The following TOP6BL variants were observed in gnomAD, a reference collection of about 807,000 sequenced individuals.
The protein encoded by TOP6BL is type 2 DNA topoisomerase 6 subunit B-like.
the TOP6BL span, among the ~76,000 whole-genome samples, chr11:66,760,625 CAA>C: frequency 7.4e-5 from 4 of 54,152 alleles, no homozygotes; most frequent in South Asian, 8.6e-4. Flanking sequence ...CCCATCTTTA[CAA>C]AAAAAAAAAA....
At chr11:66,766,512 G>T in the TOP6BL span, among the ~76,000 whole-genome samples, 1 of 152,074 alleles carries the variant, frequency 6.6e-6, no homozygotes, top group Admixed American at 6.6e-5. Context: ...TTGCCACAAA[G>T]AAGTCACAGG....
At chr11:66,762,025 T>C in the TOP6BL span, 1 of 1,506,462 alleles carries the variant, frequency 6.6e-7, no homozygotes, top group South Asian at 1.1e-5. Context: ...AAAGTGACAG[T>C]GATTTTTTCC....
chr11:66,779,622 G>T, the TOP6BL span, among the ~76,000 whole-genome samples: 1 of 152,114 alleles, frequency 6.6e-6, no homozygotes, highest in South Asian at 2.1e-4. Context: ...CGGAGATCTA[G>T]AACTAGAAAT....
the TOP6BL span, among the ~76,000 whole-genome samples, chr11:66,760,625 C>CAAAAAA: frequency 2.0e-4 from 11 of 54,146 alleles, no homozygotes; most frequent in African/African-American, 6.9e-4. Flanking sequence ...CCCATCTTTA[C>CAAAAAA]AAAAAAAAAA....
the TOP6BL span, among the ~76,000 whole-genome samples, chr11:66,839,540 G>A: frequency 6.6e-6 from 1 of 152,174 alleles, no homozygotes; most frequent in Non-Finnish European, 1.5e-5. Flanking sequence ...TCTTTCTAGG[G>A]TCACAACCAC....
At chr11:66,794,969 C>T in the TOP6BL span, among the ~76,000 whole-genome samples, 1 of 152,052 alleles carries the variant, frequency 6.6e-6, no homozygotes, top group African/African-American at 2.4e-5. Context: ...CCCGTCTCTA[C>T]AGAAAATACA....
chr11:66,797,841 G>A, the TOP6BL span, among the ~76,000 whole-genome samples: 1 of 152,084 alleles, frequency 6.6e-6, no homozygotes, highest in South Asian at 2.1e-4. Context: ...GAATATTAGA[G>A]AGCTAAATTT....
At chr11:66,748,396 AATT>A in the TOP6BL span, 1 of 1,537,420 alleles carries the variant, frequency 6.5e-7, no homozygotes, top group Non-Finnish European at 8.8e-7. Context: ...GATTTTTAAT[AATT>A]CACTGGAAGT....
At chr11:66,784,680 T>A in the TOP6BL span, among the ~76,000 whole-genome samples, 1 of 152,252 alleles carries the variant, frequency 6.6e-6, no homozygotes, top group Admixed American at 6.5e-5. Flanking sequence ...CATTATATTT[T>A]CAAGGCCTAT....
the TOP6BL span, chr11:66,788,405 C>G: frequency 1.6e-6 from 1 of 619,510 alleles, no homozygotes; most frequent in East Asian, 2.9e-5. Context: ...CCCAAACTTG[C>G]CTGTGCAGAC....
chr11:66,833,593 A>C, the TOP6BL span, among the ~76,000 whole-genome samples: 12 of 152,178 alleles, frequency 7.9e-5, no homozygotes, highest in African/African-American at 2.9e-4. Flanking sequence ...AGGATCTAGG[A>C]GTGCTTCAGC....
At chr11:66,796,113 T>G in the TOP6BL span, 1 of 574,062 alleles carries the variant, frequency 1.7e-6, no homozygotes. Flanking sequence ...GTGATGGCTA[T>G]TTAGATTTTC....
chr11:66,804,307 A>T, the TOP6BL span: 1 of 932,848 alleles, frequency 1.1e-6, no homozygotes, highest in Non-Finnish European at 1.5e-6. Context: ...TGATTTGTAT[A>T]AAAACATATA....
the TOP6BL span, among the ~76,000 whole-genome samples, chr11:66,760,742 T>C: frequency 6.8e-6 from 1 of 147,360 alleles, no homozygotes; most frequent in Non-Finnish European, 1.5e-5. Context: ...AGGTAAAGGC[T>C]GTAGTAAGCC....
the TOP6BL span, chr11:66,838,334 C>A: frequency 6.3e-7 from 1 of 1,597,856 alleles, no homozygotes; most frequent in Non-Finnish European, 8.6e-7. Flanking sequence ...CATGTTTCTA[C>A]AAAACTCACT....
chr11:66,817,880 C>T, the TOP6BL span, among the ~76,000 whole-genome samples: 1 of 152,134 alleles, frequency 6.6e-6, no homozygotes, highest in African/African-American at 2.4e-5. Context: ...AATTTGAAAA[C>T]CACTGAGCAT....
At chr11:66,814,005 T>C in the TOP6BL span, 2 of 1,613,200 alleles carry the variant, frequency 1.2e-6, no homozygotes, top group Non-Finnish European at 1.7e-6. Flanking sequence ...TGGATCTCAA[T>C]TTGGATAGAG....
the TOP6BL span, chr11:66,815,910 C>G: frequency 1.4e-6 from 1 of 698,854 alleles, no homozygotes; most frequent in Non-Finnish European, 2.2e-6. Context: ...GATAGAGAAA[C>G]AGGTTCAGGA....
At chr11:66,831,174 C>T in the TOP6BL span, among the ~76,000 whole-genome samples, 1 of 152,212 alleles carries the variant, frequency 6.6e-6, no homozygotes, top group Non-Finnish European at 1.5e-5. Context: ...GAAAATGGTA[C>T]AAGCACTTCG....
Sources: allele counts gnomAD v4.1 joint callset (sites outside exome capture counted in the v4.1 genomes callset), GRCh38; gene constraint gnomAD v4.1.1; transcripts MANE v1.5; gene names NCBI Gene and HGNC (gene_info 2026-07-23, HGNC 2026-07-21).